HTR2C: variants seen among roughly 807,000 people sequenced by gnomAD.
HTR2C encodes the protein 5-hydroxytryptamine (serotonin) receptor 2C, G protein-coupled.
In HTR2C, 5 loss-of-function variants were observed where a neutral mutation model predicts 21.0. The observed-to-expected ratio is 0.24, with a 90% CI of 0.12 to 0.50. The LOEUF (loss-of-function observed/expected upper bound fraction) is 0.50, where lower values mean the gene tolerates loss of function less well. Ranked by LOEUF, HTR2C falls within the 20% of genes least tolerant of loss-of-function variation. HTR2C has a pLI of 0.98. For missense variants in HTR2C, 271 were observed against 371.2 expected, an observed-to-expected ratio of 0.73 and a Z score of 2.22; for synonymous variants, 150 against 145.3, an observed-to-expected ratio of 1.03 and a Z score of -0.23.
rs782208749 is a variant in HTR2C, at chrX:114,747,881, G to T, written c.349+16274G>T. Among the ~76,000 whole-genome samples the T allele has an allele frequency of 1.2e-4, 13 of 112,265 alleles. No homozygotes were observed. The East Asian group carries it at 3.4e-3, about 29-fold the overall frequency. On this transcript the variant is annotated intron_variant, in intron 4 of 5. Coordinates refer to ENST00000276198, the MANE Select transcript of HTR2C (RefSeq NM_000868.4). ...GATTTTTCTCCAGATGAGCCTTAAG[G>T]TGGCTGCAACCTGGCTGACACCTTG... is the stretch of plus-strand genomic sequence containing the variant.
intron 2 of HTR2C, among the ~76,000 whole-genome samples, chrX:114,620,228 A>C (rs1357448793): frequency 8.9e-6 from 1 of 112,157 alleles, no homozygotes; most frequent in Non-Finnish European, 1.9e-5. Context: ...CTATACAAGC[A>C]GGTGAAACTT....
At chrX:114,659,838 ATTTG>A (rs1930920964) in intron 2 of HTR2C, among the ~76,000 whole-genome samples, 3 of 111,608 alleles carry the variant, frequency 2.7e-5, no homozygotes, top group African/African-American at 9.7e-5. Context: ...CATTTTGATC[ATTTG>A]TTTATGATTA....
At chrX:114,891,415 T>C (rs1215614027) in intron 5 of HTR2C, among the ~76,000 whole-genome samples, 3 of 110,191 alleles carry the variant, frequency 2.7e-5, no homozygotes, top group African/African-American at 9.9e-5. Flanking sequence ...AAGATTATTG[T>C]TTTTTATATC....
At position 114,807,378 on chromosome X, in the gene HTR2C, A is replaced by G. The variant is rs142243044; in HGVS notation, c.350-40625A>G. ...TATATACACCATATATCTATACCAT[A>G]TATATACGCCATATCTATACCATAT... On this transcript the variant is annotated intron_variant, in intron 4 of 5. Transcript: ENST00000276198. Among the ~76,000 whole-genome samples, 105 of 24,063 alleles carry G rather than the reference A, an allele frequency of 4.4e-3. 6 individuals carry two copies. The highest frequency in any genetic ancestry group is 0.012 in the African/African-American group (91 of 7,879). The allele number at this position is 24,063 out of a possible 115,157, so 20.9% of individuals were successfully genotyped here.
chrX:114,678,609 C>G (rs189565270), intron 2 of HTR2C, among the ~76,000 whole-genome samples: 1 of 111,461 alleles, frequency 9.0e-6, no homozygotes, highest in Admixed American at 9.6e-5. Flanking sequence ...CATTGCTCTT[C>G]CCTGCCTGTT....
chrX:114,900,778 T>A (rs2071331881), intron 5 of HTR2C, among the ~76,000 whole-genome samples: 1 of 112,081 alleles, frequency 8.9e-6, no homozygotes, highest in Non-Finnish European at 1.9e-5. Context: ...CTCTTGGCAG[T>A]CTGTTTCCTG....
chrX:114,609,802 A>C (rs1191046098), intron 1 of HTR2C, among the ~76,000 whole-genome samples: 1 of 112,236 alleles, frequency 8.9e-6, no homozygotes, highest in African/African-American at 3.2e-5. Context: ...CGAGCAGAGC[A>C]TACTGTATGG....
At chrX:114,827,892 A>T (rs1556459090) in intron 4 of HTR2C, among the ~76,000 whole-genome samples, 1 of 109,481 alleles carries the variant, frequency 9.1e-6, no homozygotes. Flanking sequence ...TTTATCTTTT[A>T]TTTTGACCAG....
intron 4 of HTR2C, among the ~76,000 whole-genome samples, chrX:114,764,946 TTCCTTCTA>T (rs2069931063): frequency 1.9e-5 from 2 of 103,551 alleles, no homozygotes; most frequent in Non-Finnish European, 4.0e-5. Context: ...CCTTCCTTCC[TTCCTTCTA>T]TCTTTCTTCC....
intron 5 of HTR2C, chrX:114,900,231 C>T (rs2071327618): frequency 8.1e-6 from 1 of 123,656 alleles, no homozygotes; most frequent in African/African-American, 3.2e-5. Flanking sequence ...TTTTACAATG[C>T]ATTGTCATCA....
At chrX:114,616,985 A>G (rs1928976708) in intron 2 of HTR2C, among the ~76,000 whole-genome samples, 1 of 112,565 alleles carries the variant, frequency 8.9e-6, no homozygotes, top group Non-Finnish European at 1.9e-5. Flanking sequence ...ACTTATATTA[A>G]CAATTTAGGA....
chrX:114,806,410 A>ATATATATACCATATATATACACAACT (rs1556449673), intron 4 of HTR2C, among the ~76,000 whole-genome samples: 1 of 58,042 alleles, frequency 1.7e-5, no homozygotes, highest in Non-Finnish European at 3.1e-5. Flanking sequence ...TATATACACC[A>ATATATATACCATATATATACACAACT]TATATATATA....
chrX:114,709,566 T>C (rs1556418959), intron 2 of HTR2C, among the ~76,000 whole-genome samples: 1 of 112,340 alleles, frequency 8.9e-6, no homozygotes, highest in Non-Finnish European at 1.9e-5. Flanking sequence ...GAGTTTTGCA[T>C]AAACAACTTA....
Position 114,848,055 on chromosome X carries a change from T to C in HTR2C, c.402T>C (p.Asp134=). The C allele has an allele frequency of 1.7e-6, 2 of 1,210,559 alleles. No homozygotes were observed. The highest frequency in any genetic ancestry group is 3.5e-5 in the South Asian group (2 of 56,971). Residue 134 remains aspartate, a synonymous_variant, in exon 5 of 6, where the codon GAT becomes GAC. Transcript: ENST00000276198. ...RYLCPVWISL[D]VLFSTASIMH... ...TGTGCCCCGTCTGGATTTCTTTAGA[T>C]GTTTTATTTTCAACAGCGTCCATCA...
At chrX:114,692,779 A>G (rs1162622878) in intron 2 of HTR2C, among the ~76,000 whole-genome samples, 2 of 111,928 alleles carry the variant, frequency 1.8e-5, no homozygotes, top group Non-Finnish European at 3.8e-5. Flanking sequence ...AAATGAATTA[A>G]CATACCAAAC....
At chrX:114,783,983 C>A (rs1569493740) in intron 4 of HTR2C, among the ~76,000 whole-genome samples, 1 of 109,369 alleles carries the variant, frequency 9.1e-6, no homozygotes, top group Non-Finnish European at 1.9e-5. Context: ...AAGAATAAGG[C>A]TGAAAATTAA....
At chrX:114,736,112 CA>C (rs1238312150) in intron 4 of HTR2C, among the ~76,000 whole-genome samples, 96 of 90,705 alleles carry the variant, frequency 1.1e-3, no homozygotes, top group East Asian at 6.9e-4. Flanking sequence ...GACTCTATTT[CA>C]AAAAAAAAAA....
intron 2 of HTR2C, among the ~76,000 whole-genome samples, chrX:114,711,731 G>A (rs1479293066): frequency 8.9e-6 from 1 of 111,809 alleles, no homozygotes; most frequent in Non-Finnish European, 1.9e-5. Flanking sequence ...AGAAAAAATA[G>A]CTTAACCTCT....
chrX:114,772,584 T>C (rs2070016816), intron 4 of HTR2C, among the ~76,000 whole-genome samples: 1 of 110,474 alleles, frequency 9.1e-6, no homozygotes, highest in African/African-American at 3.3e-5. Context: ...GACTTGTACA[T>C]GTTTATGGGA....
Sources: gnomAD v4.1 joint callset for allele counts (sites outside exome capture counted in the v4.1 genomes callset) on GRCh38, gnomAD v4.1.1 for gene constraint, MANE v1.5 for transcripts, NCBI Gene and HGNC (gene_info 2026-07-23, HGNC 2026-07-21) for gene names.